NTSR2: variants seen among roughly 807,000 people sequenced by gnomAD.
NTSR2 encodes the protein neurotensin receptor type 2.
NTSR2 carries 22 observed loss-of-function variants against 24.1 expected under a neutral mutation model. That is an observed-to-expected ratio of 0.91 (90% CI 0.65 to 1.30). The LOEUF (loss-of-function observed/expected upper bound fraction) is 1.30, where lower values mean the gene tolerates loss of function less well. NTSR2 is among the 50% of genes most tolerant of loss of function. NTSR2 has a pLI of 0.00. For synonymous variants in NTSR2, 291 were observed against 267.0 expected, an observed-to-expected ratio of 1.09 and a Z score of -0.88; for missense variants, 570 against 570.4, an observed-to-expected ratio of 1.00 and a Z score of 0.01.
rs751353044 is a variant in NTSR2 at position 11,669,869 on chromosome 2, C to G, written c.261G>C (p.Val87=). The change falls in exon 1 of 4, where the codon GTG becomes GTC. Residue 87 remains valine, a synonymous_variant. Transcript: ENST00000306928. Reference sequence around the variant, plus strand: ...ACACGAAGCTGTAGAGCTCCACCGGCACGCCGACCAGCAGCAGCAGCAGGC... The same window carrying G: ...ACACGAAGCTGTAGAGCTCCACCGGGACGCCGACCAGCAGCAGCAGCAGGC... The part of the protein sequence containing the change: ...LAGLLLLLVG[V]PVELYSFVWF... 6.3e-7 allele frequency: 1 copy of G among 1,585,542 alleles called. No individual in the cohort carries two copies. Among genetic ancestry groups the G allele is most frequent in the Non-Finnish European group, 8.5e-7 (1 of 1,172,492 alleles).
chr2:11,669,708 A>G lies in NTSR2; in HGVS notation c.422T>C (p.Leu141Pro), dbSNP rs754897985. ...TGGCGTCAGCAGGCTGCGGGCACGC[A>G]GGGGCTGGCACACGGCTAGGCAGCG... ...AERCLAVCQPLRARSLLTPRR... is the reference protein window; with the variant it reads ...AERCLAVCQPPRARSLLTPRR... The change falls in exon 1 of 4, where the codon CTG becomes CCG. Residue 141 changes from leucine (L) to proline (P), a missense_variant. By Grantham distance (98) the Leu-to-Pro change is moderately conservative. Coordinates refer to ENST00000306928, the MANE Select transcript of NTSR2 (RefSeq NM_012344.4). The G allele has an allele frequency of 1.3e-6, 2 of 1,529,042 alleles. No individual in the cohort carries two copies. Among genetic ancestry groups the G allele is most frequent in the South Asian group, 2.4e-5 (2 of 83,368 alleles). The allele number at this position is 1,529,042 out of a possible 1,614,324, so 94.7% of individuals were successfully genotyped here.
In NTSR2 at chr2:11,661,974, C is replaced by T; in HGVS notation, c.891G>A (p.Gln297=). Reference sequence around the variant, plus strand: ...TGTTACAGAGGACTTAACTGAGAACCTGGACGCTGCGCTGGAGGCTGCGGA... The same window carrying T: ...TGTTACAGAGGACTTAACTGAGAACTTGGACGCTGCGCTGGAGGCTGCGGA... ...RRIRSLQRSV[Q]VLRAIVVMYV... The change falls in exon 2 of 4, where the codon CAG becomes CAA. Residue 297 remains glutamine (Q), a synonymous_variant. Coordinates refer to ENST00000306928, the MANE Select transcript of NTSR2 (RefSeq NM_012344.4). 1 of 1,590,050 alleles carries T rather than the reference C, an allele frequency of 6.3e-7. No individual in the cohort carries two copies. The highest frequency in any genetic ancestry group is 8.6e-7 in the Non-Finnish European group (1 of 1,168,010).
At chr2:11,669,404 A>G in intron 1 of NTSR2, 102 bp downstream of exon 1, 1 of 964,522 alleles carries the variant, frequency 1.0e-6, no homozygotes, top group Non-Finnish European at 1.4e-6. Context: ...GGTGGCGAGC[A>G]TTAGAGTCGA....
At chr2:11,664,902 T>A (rs145131306) in intron 1 of NTSR2, among the ~76,000 whole-genome samples, 3 of 152,198 alleles carry the variant, frequency 2.0e-5, no homozygotes, top group African/African-American at 7.2e-5. Flanking sequence ...TATGTTTCAA[T>A]TGAAACATTT....
Position 11,669,668 on chromosome 2 carries a change from C to A in NTSR2, c.462G>T (p.Trp154Cys). 6.5e-7 allele frequency: 1 copy of A among 1,542,250 alleles called. No individual in the cohort carries two copies. Among genetic ancestry groups the A allele is most frequent in the Non-Finnish European group, 8.7e-7 (1 of 1,149,984 alleles). ...RSLLTPRRTR[W>C]LVALSWAASL... ...AGGCGGCCCACGAGAGCGCCACCAGCCACCGGGTCCGGCGTGGCGTCAGCA... is the reference window on the plus strand; with the variant it reads ...AGGCGGCCCACGAGAGCGCCACCAGACACCGGGTCCGGCGTGGCGTCAGCA... Residue 154 changes from tryptophan (W) to cysteine (C), a missense_variant, in exon 1 of 4, where the codon TGG (tryptophan) becomes TGT (cysteine). By Grantham distance (215) the Trp-to-Cys change is radical. Transcript: ENST00000306928.
At chr2:11,668,279 T>G (rs1661247576) in intron 1 of NTSR2, among the ~76,000 whole-genome samples, 1 of 152,142 alleles carries the variant, frequency 6.6e-6, no homozygotes, top group Non-Finnish European at 1.5e-5. Context: ...AGGGGATGGA[T>G]GAGCAGACAC....
Position 11,662,509 on chromosome 2 carries a change from C to T in NTSR2, c.625-269G>A, listed in dbSNP as rs558042324. On this transcript the variant is annotated intron_variant, in intron 1 of 3. Coordinates refer to ENST00000306928, the MANE Select transcript of NTSR2 (RefSeq NM_012344.4). ...TTTAAAAATGCATTCAAGCCGGGCA[C>T]GGTGACTCACGCCTGTAATCCCAGC... 6.6e-5 allele frequency among the ~76,000 whole-genome samples: 10 copies of T among 152,290 alleles called. No individual in the cohort carries two copies. The South Asian group carries it at 1.5e-3, about 22-fold the overall frequency.
At chr2:11,669,460 G>GGGGGGGGGGGCCCCCCCCCCCCC in intron 1 of NTSR2, 46 bp downstream of exon 1, 1 of 254,724 alleles carries the variant, frequency 3.9e-6, no homozygotes, top group Non-Finnish European at 6.9e-6. Flanking sequence ...TCCCAGCACC[G>GGGGGGGGGGGCCCCCCCCCCCCC]CCCCCCCACC....
Position 11,658,563 on chromosome 2 carries a change from C to T in NTSR2, c.1149G>A (p.Met383Ile). Residue 383 changes from methionine to isoleucine, a missense_variant, in exon 4 of 4, where the codon ATG becomes ATA. By Grantham distance (10) the Met-to-Ile change is conservative. Coordinates refer to ENST00000306928, the MANE Select transcript of NTSR2 (RefSeq NM_012344.4). ...VSSLCGEHHPMKRLPPKPQSP... is the reference protein window; with the variant it reads ...VSSLCGEHHPIKRLPPKPQSP... ...TCTGGGGCTTCGGGGGTAACCGCTT[C>T]ATGGGGTGGTGCTCTCCACACAGGG... The T allele has an allele frequency of 6.2e-7, 1 of 1,614,162 alleles. No homozygotes were observed. The highest frequency in any genetic ancestry group is 8.5e-7 in the Non-Finnish European group (1 of 1,180,020).
At position 11,662,160 on chromosome 2, in the gene NTSR2, G is replaced by A. The variant is rs957105097; in HGVS notation, c.705C>T (p.Ala235=). Residue 235 remains alanine (A), a synonymous_variant, in exon 2 of 4, where the codon GCC becomes GCT. Coordinates refer to ENST00000306928, the MANE Select transcript of NTSR2 (RefSeq NM_012344.4). ...LNGVTVSHLL[A]LCSQVPSTST... is the part of the protein sequence containing the mutation. The stretch of plus-strand genomic sequence containing the variant: ...AAGTGGACGGCACTTGGGAGCAGAG[G>A]GCCAGCAGGTGGCTCACTGTGACCC... 5 of 1,599,456 alleles carry A rather than the reference G, an allele frequency of 3.1e-6. No individual in the cohort carries two copies. Among genetic ancestry groups the A allele is most frequent in the Non-Finnish European group, 4.3e-6 (5 of 1,172,880 alleles).
intron 1 of NTSR2, 56 bp downstream of exon 1, chr2:11,669,450 T>TG: frequency 2.5e-6 from 1 of 403,652 alleles, no homozygotes. Flanking sequence ...GGTTCCCTCC[T>TG]CCCAGCACCG....
At position 11,662,994 on chromosome 2, in the gene NTSR2, A is replaced by T. The variant is rs78830176; in HGVS notation, c.625-754T>A. 3.1e-3 allele frequency among the ~76,000 whole-genome samples: 466 copies of T among 152,354 alleles called. 1 individual carries two copies. The highest frequency in any genetic ancestry group is 0.011 in the African/African-American group (442 of 41,594). On this transcript the variant is annotated intron_variant, in intron 1 of 3. Coordinates refer to ENST00000306928, the MANE Select transcript of NTSR2 (RefSeq NM_012344.4). ...ATAGATAGGATGGAAAACCAGAATG[A>T]CATTCACTTCTTAAAAGCAATGGTG...
At chr2:11,665,666 G>A (rs1243496115) in intron 1 of NTSR2, 1 of 152,208 alleles carries the variant, frequency 6.6e-6, no homozygotes, top group Non-Finnish European at 1.5e-5. Flanking sequence ...AGGATGGGAG[G>A]TGATGATGAC....
At position 11,662,082 on chromosome 2, in the gene NTSR2, A is replaced by G. The variant is rs1374034692; in HGVS notation, c.783T>C (p.Gly261=). 9.9e-6 allele frequency: 16 copies of G among 1,613,024 alleles called. No homozygotes were observed. Among genetic ancestry groups the G allele is most frequent in the Non-Finnish European group, 1.4e-5 (16 of 1,179,762 alleles). The change falls in exon 2 of 4, where the codon GGT becomes GGC. Residue 261 remains glycine (G), a synonymous_variant. Transcript: ENST00000306928. ...PSRLELLSEE[G]LLSFIVWKKT... is the part of the protein sequence containing the mutation. ...TCTTCCATACGATGAAGCTGAGGAG[A>G]CCCTCCTCACTCAGCAGCTCCAGGC...
At position 11,669,943 on chromosome 2, in the gene NTSR2, CG is replaced by C; in HGVS notation, c.186del (p.Arg64AlafsTer61). The C allele has an allele frequency of 6.6e-7, 1 of 1,513,034 alleles. No homozygotes were observed. Among genetic ancestry groups the C allele is most frequent in the South Asian group, 1.3e-5 (1 of 79,744 alleles). 93.7% of individuals were successfully genotyped at this position (1,513,034 alleles called of 1,614,324 possible). A position where few individuals can be genotyped will look rare whatever the true frequency, so the allele number is the denominator to read the frequency against. On this transcript the variant is annotated frameshift_variant, in exon 1 of 4. Transcript: ENST00000306928. LOFTEE classifies it high-confidence loss of function. ...TGGTGGCGCAGGCGCCCCGCGCGCC[CG>C]GCCCGCGCCTTCAGCACCACGTGCG... is the stretch of plus-strand genomic sequence containing the variant. ...LSAHVVLKAR[A>X]GRAGRLRHHV... is the part of the protein sequence containing the mutation.
intron 1 of NTSR2, among the ~76,000 whole-genome samples, chr2:11,668,708 G>A (rs1328873546): frequency 6.6e-6 from 1 of 152,228 alleles, no homozygotes; most frequent in Non-Finnish European, 1.5e-5. Flanking sequence ...TAGAGCAAGC[G>A]ACCAGAGGAC....
At chr2:11,669,460 G>GGGGGGGGGGGCGCCCCCCCCCCCCCCC in intron 1 of NTSR2, 46 bp downstream of exon 1, 1 of 254,724 alleles carries the variant, frequency 3.9e-6, no homozygotes. Flanking sequence ...TCCCAGCACC[G>GGGGGGGGGGGCGCCCCCCCCCCCCCCC]CCCCCCCACC....
chr2:11,669,460 G>GGGCCGGGGGCCCCCCCCCCCCCCCCCCCC, intron 1 of NTSR2, 46 bp downstream of exon 1: 1 of 254,726 alleles, frequency 3.9e-6, no homozygotes, highest in Non-Finnish European at 6.9e-6. Flanking sequence ...TCCCAGCACC[G>GGGCCGGGGGCCCCCCCCCCCCCCCCCCCC]CCCCCCCACC....
rs1406433544 is a variant in NTSR2, at chr2:11,662,181, G to A, written c.684C>T (p.Val228=). 2 of 1,582,896 alleles carry A rather than the reference G, an allele frequency of 1.3e-6. No homozygotes were observed. The highest frequency in any genetic ancestry group is 1.7e-6 in the Non-Finnish European group (2 of 1,164,694). Reference sequence around the variant, plus strand: ...AGAGGGCCAGCAGGTGGCTCACTGTGACCCCATTCAGGAAAGCAGTTAGTG... The same window carrying A: ...AGAGGGCCAGCAGGTGGCTCACTGTAACCCCATTCAGGAAAGCAGTTAGTG... ...PLALTAFLNG[V]TVSHLLALCS... The change falls in exon 2 of 4, where the codon GTC becomes GTT. Residue 228 remains valine, a synonymous_variant. Coordinates refer to ENST00000306928, the MANE Select transcript of NTSR2 (RefSeq NM_012344.4).
Sources: gnomAD v4.1 joint callset for allele counts (sites outside exome capture counted in the v4.1 genomes callset) on GRCh38, gnomAD v4.1.1 for gene constraint, MANE v1.5 for transcripts, NCBI Gene and HGNC (gene_info 2026-07-23, HGNC 2026-07-21) for gene names.